KCNH8: variants seen among roughly 807,000 people sequenced by gnomAD.
KCNH8 encodes potassium voltage-gated channel subfamily H member 8.
Under a neutral mutation model 103.6 loss-of-function variants are expected in KCNH8, and 70 were observed. The ratio of observed to expected loss-of-function variants is 0.68; its 90% CI spans 0.56 to 0.82. The LOEUF is 0.82. KCNH8 is among the 40% of genes least tolerant of loss of function. The pLI is 0.00. For synonymous variants in KCNH8, 498 were observed against 489.4 expected (o/e 1.02, Z -0.23); for missense variants, 1,217 against 1,329.9 (o/e 0.92, Z 1.32).
intron 8 of KCNH8, among the ~76,000 whole-genome samples, chr3:19,441,973 G>T (rs1257219964): frequency 1.3e-5 from 2 of 152,200 alleles, no homozygotes; most frequent in Admixed American, 6.5e-5. Context: ...GAGTTTTAAT[G>T]ATACCAGGCA....
intron 2 of KCNH8, among the ~76,000 whole-genome samples, chr3:19,259,844 C>G (rs775587408): frequency 4.0e-5 from 6 of 151,552 alleles, no homozygotes; most frequent in Non-Finnish European, 7.4e-5. Context: ...AATTAACTGC[C>G]TTTCTTTTTT....
intron 1 of KCNH8, among the ~76,000 whole-genome samples, chr3:19,228,496 C>T (rs1235311390): frequency 2.0e-5 from 3 of 152,130 alleles, no homozygotes; most frequent in Non-Finnish European, 4.4e-5. Flanking sequence ...ACATCTGAAA[C>T]ATTTTGGATG....
chr3:19,378,336 T>G (rs2066241344), intron 5 of KCNH8, among the ~76,000 whole-genome samples: 1 of 152,202 alleles, frequency 6.6e-6, no homozygotes, highest in Admixed American at 6.5e-5. Flanking sequence ...CAGAAGTGAA[T>G]TTTGATGGTC....
At chr3:19,156,949 C>A (rs183786516) in intron 1 of KCNH8, among the ~76,000 whole-genome samples, 1 of 150,446 alleles carries the variant, frequency 6.6e-6, no homozygotes, top group Admixed American at 6.6e-5. Flanking sequence ...AGCCCTCCAA[C>A]TCTCAAGTCT....
intron 5 of KCNH8, among the ~76,000 whole-genome samples, chr3:19,375,453 C>G (rs1367409006): frequency 4.0e-5 from 6 of 151,246 alleles, no homozygotes; most frequent in African/African-American, 1.5e-4. Flanking sequence ...GTTTTCAGCT[C>G]CATCAGCTCC....
chr3:19,324,963 G>A (rs772247367), intron 3 of KCNH8, among the ~76,000 whole-genome samples: 4 of 152,100 alleles, frequency 2.6e-5, no homozygotes, highest in Non-Finnish European at 5.9e-5. Flanking sequence ...GTAACCAGAA[G>A]AGCATGGTAC....
At chr3:19,367,938 C>T (rs979291259) in intron 5 of KCNH8, among the ~76,000 whole-genome samples, 18 of 152,072 alleles carry the variant, frequency 1.2e-4, no homozygotes, top group African/African-American at 4.3e-4. Context: ...GGGATTAGCC[C>T]AGCAAATCTA....
At chr3:19,358,071 G>A (rs1029375681) in intron 5 of KCNH8, among the ~76,000 whole-genome samples, 1 of 152,008 alleles carries the variant, frequency 6.6e-6, no homozygotes, top group East Asian at 1.9e-4. Context: ...ACTGAAGTCA[G>A]ATTTCTCAGC....
chr3:19,461,518 G>A (rs899545899), intron 11 of KCNH8, among the ~76,000 whole-genome samples: 1 of 152,134 alleles, frequency 6.6e-6, no homozygotes, highest in African/African-American at 2.4e-5. Context: ...CAGTCACACA[G>A]GATTTTCTGT....
chr3:19,437,811 AT>A (rs1245181366), intron 7 of KCNH8, among the ~76,000 whole-genome samples: 1 of 152,174 alleles, frequency 6.6e-6, no homozygotes, highest in Non-Finnish European at 1.5e-5. Flanking sequence ...TCTTCTTATA[AT>A]TCCAAATGAG....
chr3:19,379,262 T>C (rs2125123287), intron 5 of KCNH8, among the ~76,000 whole-genome samples: 1 of 152,344 alleles, frequency 6.6e-6, no homozygotes, highest in African/African-American at 2.4e-5. Flanking sequence ...AAGTTATGTT[T>C]GAATCTCTTG....
chr3:19,438,060 A>G, intron 7 of KCNH8, 104 bp from the exon 8 acceptor site: 1 of 886,030 alleles, frequency 1.1e-6, no homozygotes, highest in Non-Finnish European at 1.8e-6. Context: ...TCTTCCTCTG[A>G]GCAAATTATT....
At chr3:19,425,397 A>C (rs1575052034) in intron 7 of KCNH8, among the ~76,000 whole-genome samples, 3 of 152,326 alleles carry the variant, frequency 2.0e-5, no homozygotes, top group South Asian at 4.1e-4. Flanking sequence ...GAGTTTCCCC[A>C]ATAGACTGCA....
intron 11 of KCNH8, among the ~76,000 whole-genome samples, chr3:19,469,019 G>T (rs1233996163): frequency 6.6e-6 from 1 of 152,162 alleles, no homozygotes; most frequent in African/African-American, 2.4e-5. Flanking sequence ...TCTTGAAAAT[G>T]ATTTATTGAA....
intron 1 of KCNH8, among the ~76,000 whole-genome samples, chr3:19,234,423 T>C (rs550724916): frequency 6.6e-6 from 1 of 152,326 alleles, no homozygotes; most frequent in Non-Finnish European, 1.5e-5. Flanking sequence ...TCCCGAGCCC[T>C]GCCCCGCGAG....
At chr3:19,237,443 G>A (rs1386123837) in intron 1 of KCNH8, among the ~76,000 whole-genome samples, 1 of 152,212 alleles carries the variant, frequency 6.6e-6, no homozygotes, top group Non-Finnish European at 1.5e-5. Context: ...CCTGGTGGTT[G>A]TTCTCCAAAA....
At chr3:19,428,611 C>T (rs2067064165) in intron 7 of KCNH8, among the ~76,000 whole-genome samples, 1 of 152,176 alleles carries the variant, frequency 6.6e-6, no homozygotes. Flanking sequence ...AAGCGCTTTA[C>T]GTGAATCATG....
At chr3:19,524,445 G>A (rs1417557800) in intron 15 of KCNH8, among the ~76,000 whole-genome samples, 1 of 151,802 alleles carries the variant, frequency 6.6e-6, no homozygotes, top group African/African-American at 2.4e-5. Flanking sequence ...CTTTTAACCT[G>A]GAATGTTTCC....
Position 19,395,212 on chromosome 3 carries a change from A to G in KCNH8, c.1078A>G (p.Met360Val). ...CAGTACTATCGTCCTGACTCTGCTC[A>G]TGTCCATGTTTGCACTCCTTGCACA... The part of the protein sequence containing the change: ...QHSTIVLTLL[M>V]SMFALLAHWM... The change falls in exon 7 of 16, where the codon ATG becomes GTG. Residue 360 changes from methionine (M) to valine (V), a missense_variant. Physicochemically the swap from Met to Val is conservative, Grantham distance 21 (BLOSUM62 1). Coordinates refer to ENST00000328405, the MANE Select transcript of KCNH8 (RefSeq NM_144633.3). 6.2e-7 allele frequency: 1 copy of G among 1,609,384 alleles called. No homozygotes were observed. Among genetic ancestry groups the G allele is most frequent in the Non-Finnish European group, 8.5e-7 (1 of 1,177,984 alleles).
Sources: allele counts gnomAD v4.1 joint callset (sites outside exome capture counted in the v4.1 genomes callset), GRCh38; gene constraint gnomAD v4.1.1; transcripts MANE v1.5; gene names NCBI Gene and HGNC (gene_info 2026-07-23, HGNC 2026-07-21).